Variants in ZNF385C observed in about 807,000 individuals in gnomAD.
ZNF385C encodes the protein CTD-2132N18.2.
ZNF385C carries 28 observed loss-of-function variants against 35.4 expected under a neutral mutation model. That is an observed-to-expected ratio of 0.79 (90% CI 0.59 to 1.08). The LOEUF is 1.08. Ranked by LOEUF, ZNF385C falls within the 50% of genes least tolerant of loss-of-function variation. The probability of loss-of-function intolerance (pLI) is 0.00; values close to 1 mark genes in which losing one functional copy is unlikely to be tolerated. For missense variants in ZNF385C, 605 were observed against 595.6 expected (o/e 1.02, Z -0.16); for synonymous variants, 248 against 248.2 (o/e 1.00, Z 0.01).
At chr17:42,091,723 A>G (rs941896650) in intron 1 of ZNF385C, among the ~76,000 whole-genome samples, 3 of 152,208 alleles carry the variant, frequency 2.0e-5, no homozygotes. Flanking sequence ...CTCATTCCCA[A>G]TTAGCACCCA....
chr17:42,082,857 C>A (rs2053763275), intron 1 of ZNF385C, among the ~76,000 whole-genome samples: 1 of 152,174 alleles, frequency 6.6e-6, no homozygotes, highest in Non-Finnish European at 1.5e-5. Flanking sequence ...GCTGGTGGAT[C>A]ACCTGAGGTC....
intron 1 of ZNF385C, among the ~76,000 whole-genome samples, chr17:42,080,947 A>G (rs2053741530): frequency 6.6e-6 from 1 of 152,178 alleles, no homozygotes. Flanking sequence ...GATCTATAAA[A>G]TGGACTCAGT....
intron 2 of ZNF385C, among the ~76,000 whole-genome samples, chr17:42,041,789 C>T (rs1199698167): frequency 6.6e-6 from 1 of 152,126 alleles, no homozygotes; most frequent in Non-Finnish European, 1.5e-5. Flanking sequence ...CAACCCAGCC[C>T]ATAGGACTTA....
At chr17:42,063,306 G>A (rs1555658181) in intron 1 of ZNF385C, among the ~76,000 whole-genome samples, 1 of 152,102 alleles carries the variant, frequency 6.6e-6, no homozygotes, top group Non-Finnish European at 1.5e-5. Context: ...AGGCGGGCAG[G>A]TCACCTGAGG....
chr17:42,064,073 T>TACATACACAC (rs2053509641), intron 1 of ZNF385C, among the ~76,000 whole-genome samples: 1 of 129,742 alleles, frequency 7.7e-6, no homozygotes, highest in East Asian at 2.4e-4. Context: ...CACACGCACA[T>TACATACACAC]ACACACACAC....
chr17:42,052,635 A>G (rs1328072758), intron 2 of ZNF385C, among the ~76,000 whole-genome samples: 5 of 152,170 alleles, frequency 3.3e-5, no homozygotes, highest in African/African-American at 9.7e-5. Flanking sequence ...ACCCAGAGAG[A>G]CAGATGCACA....
chr17:42,087,839 C>G (rs967085166), intron 1 of ZNF385C, among the ~76,000 whole-genome samples: 7 of 152,164 alleles, frequency 4.6e-5, no homozygotes, highest in Admixed American at 4.6e-4. Flanking sequence ...ATTATACCTC[C>G]GTAATCTATA....
At chr17:42,097,172 T>C (rs1445642962) in intron 1 of ZNF385C, among the ~76,000 whole-genome samples, 1 of 152,058 alleles carries the variant, frequency 6.6e-6, no homozygotes, top group Non-Finnish European at 1.5e-5. Context: ...GTGGGTTCTA[T>C]TATTATCCCC....
chr17:42,091,778 T>A (rs571401401), intron 1 of ZNF385C, among the ~76,000 whole-genome samples: 1 of 152,234 alleles, frequency 6.6e-6, no homozygotes, highest in African/African-American at 2.4e-5. Context: ...CCCTCTCCCC[T>A]CAGGAAGCTG....
chr17:42,070,657 T>TC (rs2053611510), intron 1 of ZNF385C, among the ~76,000 whole-genome samples: 1 of 152,134 alleles, frequency 6.6e-6, no homozygotes, highest in Non-Finnish European at 1.5e-5. Flanking sequence ...CCAGGTCTCC[T>TC]CCATTCTATG....
intron 2 of ZNF385C, among the ~76,000 whole-genome samples, chr17:42,051,757 G>T (rs868948419): frequency 3.3e-5 from 5 of 151,966 alleles, no homozygotes; most frequent in African/African-American, 1.2e-4. Flanking sequence ...AAAGGCCTAG[G>T]GTGCATGTTG....
intron 1 of ZNF385C, among the ~76,000 whole-genome samples, chr17:42,094,263 G>A (rs2053894773): frequency 6.6e-6 from 1 of 152,228 alleles, no homozygotes; most frequent in South Asian, 2.1e-4. Context: ...TATTACAGGC[G>A]TGAGCCACCG....
chr17:42,040,416 G>T (rs1306464690), intron 2 of ZNF385C: 49 of 1,231,944 alleles, frequency 4.0e-5, no homozygotes, highest in Admixed American at 1.3e-4. Flanking sequence ...GCTGAGCTTG[G>T]AGGGAGGCCG....
intron 6 of ZNF385C, chr17:42,028,547 C>A (rs1262992618): frequency 2.0e-5 from 12 of 613,488 alleles, no homozygotes; most frequent in South Asian, 1.1e-4. Flanking sequence ...TGTGGAGTGA[C>A]CCTTCAGAGA....
intron 1 of ZNF385C, among the ~76,000 whole-genome samples, chr17:42,073,176 C>T (rs1178101462): frequency 1.3e-5 from 2 of 152,164 alleles, no homozygotes; most frequent in Non-Finnish European, 2.9e-5. Context: ...GTGGCTCACG[C>T]CTGTAATCCC....
chr17:42,031,721 C>G lies in ZNF385C; in HGVS notation c.574G>C (p.Ala192Pro), dbSNP rs2052734125. Residue 192 changes from alanine to proline, a missense_variant, in exon 5 of 9, where the codon GCC becomes CCC. By Grantham distance (27) the Ala-to-Pro change is conservative. Coordinates refer to ENST00000692273, the MANE Select transcript of ZNF385C (RefSeq NM_001392013.1). ...HARKLKAVEA[A>P]KSKQRPHTQA... ...GTGTGTGGCCTCTGCTTGCTCTTGG[C>G]AGCCTCGACAGCCTTGAGTTTTCTG... 3 of 1,550,822 alleles carry G rather than the reference C, an allele frequency of 1.9e-6. No homozygotes were observed. The highest frequency in any genetic ancestry group is 1.7e-6 in the Non-Finnish European group (2 of 1,147,062).
chr17:42,027,870 C>T, intron 7 of ZNF385C, 142 bp from the exon 8 acceptor site: 2 of 1,212,300 alleles, frequency 1.6e-6, no homozygotes, highest in East Asian at 2.5e-5. Flanking sequence ...GGGGTAGGCC[C>T]TGGGAAGGGG....
At chr17:42,070,620 A>G (rs9674546) in intron 1 of ZNF385C, among the ~76,000 whole-genome samples, 48,152 of 152,108 alleles carry the variant, frequency 0.32, 8,545 homozygotes, top group African/African-American at 0.47. Flanking sequence ...GAGGCTCAGC[A>G]TCACAAAGAG....
At chr17:42,063,483 G>A (rs782479482) in intron 1 of ZNF385C, among the ~76,000 whole-genome samples, 3 of 152,276 alleles carry the variant, frequency 2.0e-5, no homozygotes, top group South Asian at 2.1e-4. Flanking sequence ...AGCCAAGATC[G>A]GGTGTCATTG....
Sources: allele counts gnomAD v4.1 joint callset (sites outside exome capture counted in the v4.1 genomes callset), GRCh38; gene constraint gnomAD v4.1.1; transcripts MANE v1.5; gene names NCBI Gene and HGNC (gene_info 2026-07-23, HGNC 2026-07-21).